The following CPNE8 variants were observed in gnomAD, a reference collection of about 807,000 sequenced individuals.
CPNE8 encodes the protein copine 8.
CPNE8 carries 45 observed loss-of-function variants against 81.5 expected under a neutral mutation model. That is an observed-to-expected ratio of 0.55 (90% confidence interval 0.44 to 0.71). CPNE8 has a LOEUF of 0.71. CPNE8 is among the 30% of genes least tolerant of loss of function. The pLI, the probability that CPNE8 is intolerant of heterozygous loss-of-function variation, is 0.00. For missense variants in CPNE8, 594 were observed against 672.1 expected (o/e 0.88, Z 1.28); for synonymous variants, 252 against 226.3 (o/e 1.11, Z -1.02).
intron 10 of CPNE8, among the ~76,000 whole-genome samples, chr12:38,731,019 T>A (rs531496050): frequency 1.3e-5 from 2 of 151,822 alleles, no homozygotes; most frequent in South Asian, 2.1e-4. Flanking sequence ...AAAGCTTTCA[T>A]CAACTGAGGT....
chr12:38,724,296 C>T (rs1009569853), intron 12 of CPNE8, among the ~76,000 whole-genome samples: 2 of 152,066 alleles, frequency 1.3e-5, no homozygotes, highest in Admixed American at 6.5e-5. Context: ...TTAGATTTTG[C>T]TACTCCCCAA....
intron 4 of CPNE8, among the ~76,000 whole-genome samples, chr12:38,843,979 G>C (rs1943513483): frequency 6.6e-6 from 1 of 152,238 alleles, no homozygotes; most frequent in African/African-American, 2.4e-5. Context: ...AAAGTGACTG[G>C]AAAGGCATGA....
At chr12:38,666,744 C>T (rs1308607061) in intron 19 of CPNE8, among the ~76,000 whole-genome samples, 2 of 152,038 alleles carry the variant, frequency 1.3e-5, no homozygotes, top group Non-Finnish European at 2.9e-5. Context: ...TCTTAAATGC[C>T]ATGTTTAGGT....
At chr12:38,784,346 C>CA (rs1942124765) in intron 6 of CPNE8, among the ~76,000 whole-genome samples, 2 of 151,718 alleles carry the variant, frequency 1.3e-5, no homozygotes, top group African/African-American at 2.4e-5. Context: ...GAATGAAAAA[C>CA]AAAAAAGCAT....
At chr12:38,674,496 T>A (rs1003580796) in intron 18 of CPNE8, among the ~76,000 whole-genome samples, 1 of 152,174 alleles carries the variant, frequency 6.6e-6, no homozygotes, top group Non-Finnish European at 1.5e-5. Context: ...ATGCAGATTA[T>A]CAAGTGTGCA....
intron 15 of CPNE8, among the ~76,000 whole-genome samples, chr12:38,692,500 T>G (rs1290941056): frequency 6.6e-6 from 1 of 152,188 alleles, no homozygotes; most frequent in East Asian, 1.9e-4. Context: ...GCGTTTCCTT[T>G]GAGTATCTTA....
intron 6 of CPNE8, among the ~76,000 whole-genome samples, chr12:38,786,826 C>G (rs1422175266): frequency 6.6e-6 from 1 of 152,188 alleles, no homozygotes; most frequent in African/African-American, 2.4e-5. Context: ...AACAATGGAG[C>G]TTGCAGATAC....
intron 7 of CPNE8, among the ~76,000 whole-genome samples, chr12:38,768,411 C>T (rs919300485): frequency 6.6e-6 from 1 of 152,090 alleles, no homozygotes; most frequent in Non-Finnish European, 1.5e-5. Flanking sequence ...GGAAAACAAG[C>T]TAGGGTATCA....
chr12:38,720,185 G>T (rs1379004723), intron 13 of CPNE8, among the ~76,000 whole-genome samples: 4 of 152,182 alleles, frequency 2.6e-5, no homozygotes, highest in Admixed American at 6.5e-5. Flanking sequence ...TCCTGCACAG[G>T]CAGTGCTATA....
chr12:38,827,871 T>C (rs929822184), intron 6 of CPNE8, among the ~76,000 whole-genome samples: 1 of 152,304 alleles, frequency 6.6e-6, no homozygotes, highest in Middle Eastern at 3.4e-3. Context: ...TATGGGGTAC[T>C]ATGCTTATTA....
chr12:38,799,736 T>C (rs1257573399), intron 6 of CPNE8, among the ~76,000 whole-genome samples: 5 of 148,156 alleles, frequency 3.4e-5, no homozygotes, highest in Non-Finnish European at 6.0e-5. Context: ...TGCATTTCCA[T>C]CTGAGGTACC....
At chr12:38,654,398 C>A (rs2136627126) in intron 19 of CPNE8, among the ~76,000 whole-genome samples, 1 of 151,268 alleles carries the variant, frequency 6.6e-6, no homozygotes, top group Middle Eastern at 3.4e-3. Context: ...CCTTGTAATC[C>A]CAGCTACTCG....
chr12:38,867,233 G>A (rs1943927326), intron 3 of CPNE8, among the ~76,000 whole-genome samples: 1 of 151,712 alleles, frequency 6.6e-6, no homozygotes, highest in Admixed American at 6.6e-5. Context: ...GAAGCACAAA[G>A]CTAAACAGTG....
chr12:38,814,550 TGACCTCA>T (rs1160616831), intron 6 of CPNE8, among the ~76,000 whole-genome samples: 1 of 152,078 alleles, frequency 6.6e-6, no homozygotes, highest in African/African-American at 2.4e-5. Flanking sequence ...CTTGAACTTG[TGACCTCA>T]GACCTGAATT....
At chr12:38,800,159 C>T (rs966852836) in intron 6 of CPNE8, among the ~76,000 whole-genome samples, 9 of 121,166 alleles carry the variant, frequency 7.4e-5, no homozygotes, top group African/African-American at 2.5e-4. Flanking sequence ...CCCACCACAA[C>T]TCAAGGAGGC....
chr12:38,875,872 G>A (rs912251034), intron 1 of CPNE8, among the ~76,000 whole-genome samples: 1 of 152,164 alleles, frequency 6.6e-6, no homozygotes, highest in African/African-American at 2.4e-5. Flanking sequence ...TTAGCAAACA[G>A]TAAACTAAAA....
intron 19 of CPNE8, among the ~76,000 whole-genome samples, chr12:38,664,232 C>T (rs1331124415): frequency 6.6e-6 from 1 of 151,678 alleles, no homozygotes; most frequent in Admixed American, 6.6e-5. Flanking sequence ...CACACTGTAC[C>T]CTATAAATAT....
At chr12:38,787,316 T>C (rs1343847313) in intron 6 of CPNE8, among the ~76,000 whole-genome samples, 2 of 151,756 alleles carry the variant, frequency 1.3e-5, no homozygotes, top group African/African-American at 2.4e-5. Flanking sequence ...TGAGAAAATA[T>C]AGAAACACAT....
At chr12:38,786,185 C>G (rs958501716) in intron 6 of CPNE8, among the ~76,000 whole-genome samples, 2 of 152,064 alleles carry the variant, frequency 1.3e-5, no homozygotes, top group Non-Finnish European at 2.9e-5. Context: ...CTTATAAAGA[C>G]AAGCACACAC....
Sources: allele counts gnomAD v4.1 joint callset (sites outside exome capture counted in the v4.1 genomes callset), GRCh38; gene constraint gnomAD v4.1.1; transcripts MANE v1.5; gene names NCBI Gene and HGNC (gene_info 2026-07-23, HGNC 2026-07-21).